Variants in CHSY1 observed in about 807,000 individuals in gnomAD.
CHSY1 encodes the protein chondroitin sulfate synthase 1.
In CHSY1, 13 loss-of-function variants were observed where a neutral mutation model predicts 59.8. That is an observed-to-expected ratio of 0.22 (90% CI 0.14 to 0.35). The LOEUF (loss-of-function observed/expected upper bound fraction) is 0.35. CHSY1 is among the 10% of genes least tolerant of loss of function. The pLI is 1.00. For missense variants in CHSY1, 947 were observed against 1,030.6 expected, an observed-to-expected ratio of 0.92 and a Z score of 1.11; for synonymous variants, 459 against 401.2, an observed-to-expected ratio of 1.14 and a Z score of -1.72.
At chr15:101,225,570 T>G (rs561877083) in intron 2 of CHSY1, among the ~76,000 whole-genome samples, 3 of 152,106 alleles carry the variant, frequency 2.0e-5, no homozygotes, top group Non-Finnish European at 2.9e-5. Context: ...AACAGTGAGT[T>G]AGTTCAAGAT....
At chr15:101,244,473 G>A (rs762495947) in intron 1 of CHSY1, among the ~76,000 whole-genome samples, 3 of 152,194 alleles carry the variant, frequency 2.0e-5, no homozygotes, top group Non-Finnish European at 4.4e-5. Flanking sequence ...GCAGCCTAAC[G>A]TGCTCAAAAT....
At chr15:101,239,002 T>C (rs938699038) in intron 1 of CHSY1, among the ~76,000 whole-genome samples, 1 of 152,186 alleles carries the variant, frequency 6.6e-6, no homozygotes, top group Non-Finnish European at 1.5e-5. Flanking sequence ...GGAGGGGAGA[T>C]AACTTCTCAG....
At chr15:101,234,275 A>G (rs191201875) in intron 2 of CHSY1, among the ~76,000 whole-genome samples, 1 of 152,358 alleles carries the variant, frequency 6.6e-6, no homozygotes, top group East Asian at 1.9e-4. Context: ...CAGTCAAGGT[A>G]CACAACAAAT....
At position 101,184,630 on chromosome 15, in the gene CHSY1, G is replaced by A. The variant is rs577826091; in HGVS notation, c.817-5650C>T. ...CTCCCAAAGCCCTGGGATTACAGAC[G>A]TGAGCCACCCAGCCCGGCCATTTTC... On this transcript the variant is annotated intron_variant, in intron 2 of 2. Transcript: ENST00000254190. 2.2e-4 allele frequency among the ~76,000 whole-genome samples: 33 copies of A among 152,046 alleles called. No individual in the cohort carries two copies. The East Asian group carries it at 2.3e-3, about 11-fold the overall frequency.
chr15:101,219,025 T>A (rs2038763056), intron 2 of CHSY1, among the ~76,000 whole-genome samples: 1 of 152,184 alleles, frequency 6.6e-6, no homozygotes, highest in Admixed American at 6.5e-5. Flanking sequence ...CCTGCCTGGA[T>A]TAAAACTCTG....
At chr15:101,193,846 A>G (rs1041694210) in intron 2 of CHSY1, among the ~76,000 whole-genome samples, 5 of 152,202 alleles carry the variant, frequency 3.3e-5, no homozygotes, top group Admixed American at 2.6e-4. Context: ...CTTGCCTGAC[A>G]AAACCTGCTC....
intron 2 of CHSY1, among the ~76,000 whole-genome samples, chr15:101,218,226 G>C (rs79209125): frequency 0.011 from 1,614 of 152,280 alleles, 26 homozygotes; most frequent in African/African-American, 0.036. Context: ...TATGACAATA[G>C]AAAAAAGACA....
intron 2 of CHSY1, among the ~76,000 whole-genome samples, chr15:101,185,655 T>G (rs1055535175): frequency 2.0e-5 from 3 of 151,940 alleles, no homozygotes; most frequent in Non-Finnish European, 4.4e-5. Flanking sequence ...GGCGGCCATT[T>G]GTACTGAACT....
chr15:101,227,485 C>A (rs554932506), intron 2 of CHSY1, among the ~76,000 whole-genome samples: 1 of 151,666 alleles, frequency 6.6e-6, no homozygotes, highest in African/African-American at 2.4e-5. Context: ...AACAAACAAA[C>A]AAAAAAACAG....
chr15:101,235,120 G>A lies in CHSY1; in HGVS notation c.778C>T (p.Arg260Trp), dbSNP rs867562787. 3.1e-6 allele frequency: 5 copies of A among 1,613,804 alleles called. No individual in the cohort carries two copies. In the African/African-American group the frequency reaches 4.0e-5, roughly 13 times the overall value. ...HEDVEVGRCVRRFAGVQCVWS... is the reference protein window; with the variant it reads ...HEDVEVGRCVWRFAGVQCVWS... ...ACACACTGCACCCCTGCAAACCTCC[G>A]GACACACCTTCCCACCTCCACGTCC... is the stretch of plus-strand genomic sequence containing the variant. Residue 260 changes from arginine (R) to tryptophan (W), a missense_variant, in exon 2 of 3, where the codon CGG becomes TGG. Around this residue, in one of 4 missense-constraint regions of CHSY1, gnomAD observed 602 missense variants for 676.9 expected, o/e 0.89. Coordinates refer to ENST00000254190, the MANE Select transcript of CHSY1 (RefSeq NM_014918.5).
At chr15:101,244,009 T>C (rs756156772) in intron 1 of CHSY1, among the ~76,000 whole-genome samples, 1 of 152,144 alleles carries the variant, frequency 6.6e-6, no homozygotes, top group Non-Finnish European at 1.5e-5. Context: ...AGGCATCAAC[T>C]TGACACCACA....
chr15:101,229,389 G>A (rs776806342), intron 2 of CHSY1, among the ~76,000 whole-genome samples: 1 of 152,012 alleles, frequency 6.6e-6, no homozygotes, highest in Non-Finnish European at 1.5e-5. Flanking sequence ...CCATGCAAAT[G>A]GTAACCAAGA....
Position 101,177,573 on chromosome 15 carries a change from C to A in CHSY1, c.2224G>T (p.Val742Leu), listed in dbSNP as rs1242353564. ...LKTFRSQEVG[V>L]VHVHHPVFCD... ...AAGACAGGATGGTGGACGTGGACTACTCCTACTTCCTGGCTCCTAAACGTC... is the reference window on the plus strand; with the variant it reads ...AAGACAGGATGGTGGACGTGGACTAATCCTACTTCCTGGCTCCTAAACGTC... The change falls in exon 3 of 3, where the codon GTA becomes TTA. Residue 742 changes from valine to leucine, a missense_variant. Coordinates refer to ENST00000254190, the MANE Select transcript of CHSY1 (RefSeq NM_014918.5). 6.2e-7 allele frequency: 1 copy of A among 1,614,038 alleles called. No individual in the cohort carries two copies. The highest frequency in any genetic ancestry group is 8.5e-7 in the Non-Finnish European group (1 of 1,180,024).
Position 101,178,806 on chromosome 15 carries a change from T to C in CHSY1, c.991A>G (p.Thr331Ala). ...ACAATTTCGCGGTGCAGCTGTATTG[T>C]GCGATGGCGGAGCTCGGATATCTTG... ...SRKISELRHR[T>A]IQLHREIVLM... The change falls in exon 3 of 3, where the codon ACA becomes GCA. Residue 331 changes from threonine to alanine, a missense_variant. By Grantham distance (58) the Thr-to-Ala change is moderately conservative. This residue lies in a region of CHSY1 where 602 missense variants were observed against 676.9 expected (regional missense o/e 0.89). Transcript: ENST00000254190. 1 of 1,614,202 alleles carries C rather than the reference T, an allele frequency of 6.2e-7. No homozygotes were observed.
chr15:101,251,136 C>G lies in CHSY1; in HGVS notation c.320+1G>C. 1 of 1,580,732 alleles carries G rather than the reference C, an allele frequency of 6.3e-7. No individual in the cohort carries two copies. ...GCGGTGCCCGGGGAGCAGGGGCTCACCTGTAGGCGGCCACGGCCCGAGTCT... is the reference window on the plus strand; with the variant it reads ...GCGGTGCCCGGGGAGCAGGGGCTCAGCTGTAGGCGGCCACGGCCCGAGTCT... On this transcript the variant is annotated splice_donor_variant, in intron 1 of 2. Coordinates refer to ENST00000254190, the MANE Select transcript of CHSY1 (RefSeq NM_014918.5). LOFTEE classifies it high-confidence loss of function.
At chr15:101,248,646 A>AATGAG (rs1334115718) in intron 1 of CHSY1, among the ~76,000 whole-genome samples, 6 of 152,238 alleles carry the variant, frequency 3.9e-5, no homozygotes, top group African/African-American at 1.4e-4. Flanking sequence ...ATAAATAAAC[A>AATGAG]ATGAGATTAA....
intron 2 of CHSY1, among the ~76,000 whole-genome samples, chr15:101,209,242 C>G (rs1331116620): frequency 6.6e-6 from 1 of 152,212 alleles, no homozygotes; most frequent in Non-Finnish European, 1.5e-5. Context: ...TCTGTAGTAT[C>G]TGCACACTTG....
intron 2 of CHSY1, among the ~76,000 whole-genome samples, chr15:101,212,169 A>T (rs1356258327): frequency 6.6e-6 from 1 of 152,222 alleles, no homozygotes; most frequent in Admixed American, 6.5e-5. Flanking sequence ...ATGCCAAACA[A>T]TGATGAGGAC....
chr15:101,223,230 G>A (rs2038808417), intron 2 of CHSY1, among the ~76,000 whole-genome samples: 2 of 152,154 alleles, frequency 1.3e-5, no homozygotes, highest in Admixed American at 1.3e-4. Flanking sequence ...CCTGATCTCA[G>A]GTGATCCACC....
Sources: allele counts gnomAD v4.1 joint callset (sites outside exome capture counted in the v4.1 genomes callset), GRCh38; gene constraint gnomAD v4.1.1; regional missense constraint gnomAD v4.1.1; transcripts MANE v1.5; gene names NCBI Gene and HGNC (gene_info 2026-07-23, HGNC 2026-07-21).